The following CHMP4B variants were observed in gnomAD, a reference collection of about 807,000 sequenced individuals.
The protein encoded by CHMP4B is SNF7 homolog associated with Alix 1.
In CHMP4B, 1 loss-of-function variant was observed where a neutral mutation model predicts 25.1. The observed-to-expected ratio is 0.04, with a 90% CI of 0.01 to 0.19. CHMP4B has a LOEUF of 0.19. CHMP4B is among the 10% of genes least tolerant of loss of function. The pLI is 1.00. For synonymous variants in CHMP4B, 101 were observed against 115.6 expected, an observed-to-expected ratio of 0.87 and a Z score of 0.81; for missense variants, 151 against 289.7, an observed-to-expected ratio of 0.52 and a Z score of 3.48.
intron 1 of CHMP4B, among the ~76,000 whole-genome samples, chr20:33,837,934 A>C (rs942579086): frequency 6.6e-6 from 1 of 152,210 alleles, no homozygotes; most frequent in Non-Finnish European, 1.5e-5. Context: ...GTTAGAGCTC[A>C]AGGAAGACCT....
intron 1 of CHMP4B, among the ~76,000 whole-genome samples, chr20:33,813,784 G>C (rs1208566828): frequency 1.3e-5 from 2 of 152,130 alleles, no homozygotes; most frequent in Non-Finnish European, 2.9e-5. Flanking sequence ...CCAGGCTGGA[G>C]TGCAGTGGTG....
chr20:33,835,884 C>G (rs1202363885), intron 1 of CHMP4B, among the ~76,000 whole-genome samples: 1 of 152,132 alleles, frequency 6.6e-6, no homozygotes, highest in African/African-American at 2.4e-5. Context: ...CTCTTTTTAA[C>G]AACCAGCTCT....
At chr20:33,812,602 A>G (rs945805526) in intron 1 of CHMP4B, among the ~76,000 whole-genome samples, 17 of 152,254 alleles carry the variant, frequency 1.1e-4, no homozygotes, top group Middle Eastern at 3.2e-3. Flanking sequence ...AAAGCAGTTT[A>G]GAAATGTTTG....
chr20:33,835,086 G>A (rs938383097), intron 1 of CHMP4B, among the ~76,000 whole-genome samples: 2 of 152,162 alleles, frequency 1.3e-5, no homozygotes, highest in East Asian at 1.9e-4. Context: ...GTGAGCCATC[G>A]CACCTGGCCT....
chr20:33,842,999 A>C (rs985851152), intron 1 of CHMP4B, among the ~76,000 whole-genome samples: 2 of 152,228 alleles, frequency 1.3e-5, no homozygotes, highest in African/African-American at 4.8e-5. Flanking sequence ...TTTGACTAGG[A>C]GAAAGGAACG....
At chr20:33,852,748 A>T (rs1282813128) in intron 4 of CHMP4B, among the ~76,000 whole-genome samples, 2 of 152,220 alleles carry the variant, frequency 1.3e-5, no homozygotes, top group Admixed American at 1.3e-4. Flanking sequence ...CTGCCCCTCT[A>T]GTATCCTGTG....
chr20:33,824,611 A>G (rs1436975818), intron 1 of CHMP4B, among the ~76,000 whole-genome samples: 1 of 152,204 alleles, frequency 6.6e-6, no homozygotes, highest in East Asian at 1.9e-4. Flanking sequence ...CCAGGTTTCT[A>G]TCTTTTCCCG....
intron 1 of CHMP4B, among the ~76,000 whole-genome samples, chr20:33,826,113 C>T (rs1309310279): frequency 6.6e-6 from 1 of 152,178 alleles, no homozygotes; most frequent in Non-Finnish European, 1.5e-5. Context: ...CAGTGCATAA[C>T]TCTCCGTAAA....
At chr20:33,851,625 C>A (rs1424779965) in intron 3 of CHMP4B, among the ~76,000 whole-genome samples, 15 of 152,118 alleles carry the variant, frequency 9.9e-5, no homozygotes. Context: ...TCTGCTGGAC[C>A]TTTGTGCTTT....
chr20:33,812,448 T>C lies in CHMP4B; in HGVS notation c.190+790T>C, dbSNP rs532338669. ...ATAGAGACTCCCGACTGCTCCCCAG[T>C]CCCCACTACTAGGATTCAGGGCCCC... is the stretch of plus-strand genomic sequence containing the variant. On this transcript the variant is annotated intron_variant, in intron 1 of 4. Transcript: ENST00000217402. Among the ~76,000 whole-genome samples the C allele has an allele frequency of 2.6e-5, 4 of 152,288 alleles. No homozygotes were observed. In the East Asian group the frequency reaches 7.7e-4, roughly 29 times the overall value.
At chr20:33,837,802 G>T (rs969594698) in intron 1 of CHMP4B, among the ~76,000 whole-genome samples, 1 of 152,222 alleles carries the variant, frequency 6.6e-6, no homozygotes, top group African/African-American at 2.4e-5. Context: ...AAGCAGTCAG[G>T]AAATGGAGCA....
intron 1 of CHMP4B, among the ~76,000 whole-genome samples, chr20:33,845,041 G>A (rs1288980923): frequency 6.6e-6 from 1 of 152,270 alleles, no homozygotes; most frequent in Non-Finnish European, 1.5e-5. Flanking sequence ...CTACAGGTGT[G>A]AGCCACCGCG....
Position 33,811,447 on chromosome 20 carries a change from G to T in CHMP4B, c.-22G>T. The T allele has an allele frequency of 6.7e-7, 1 of 1,491,578 alleles. No homozygotes were observed. The highest frequency in any genetic ancestry group is 8.9e-7 in the Non-Finnish European group (1 of 1,119,008). The allele number at this position is 1,491,578 out of a possible 1,614,324, so 92.4% of individuals were successfully genotyped here. On this transcript the variant is annotated 5_prime_UTR_variant, in exon 1 of 5. Transcript: ENST00000217402. ...AGCCGAGCCGGAGCGGGCGGCGAAG[G>T]CCGGCGCGGCGAGCAGCAACCATGT...
chr20:33,836,871 A>C (rs142854407), intron 1 of CHMP4B, among the ~76,000 whole-genome samples: 493 of 152,238 alleles, frequency 3.2e-3, no homozygotes, highest in African/African-American at 0.012. Context: ...CCAGTGTCTC[A>C]AAAACTGTTA....
chr20:33,851,437 G>T (rs901496439), intron 3 of CHMP4B, among the ~76,000 whole-genome samples: 2 of 152,034 alleles, frequency 1.3e-5, no homozygotes, highest in African/African-American at 4.8e-5. Flanking sequence ...GAAAGGTAGA[G>T]CAAAGAGGGG....
At position 33,848,528 on chromosome 20, in the gene CHMP4B, C is replaced by G. The variant is rs1291394289; in HGVS notation, c.252C>G (p.Gly84=). 6.2e-7 allele frequency: 1 copy of G among 1,614,114 alleles called. No individual in the cohort carries two copies. The highest frequency in any genetic ancestry group is 8.5e-7 in the Non-Finnish European group (1 of 1,180,054). ...AGAAGCAGCTGGCGCAGATCGACGG[C>G]ACATTATCAACCATCGAGTTCCAGC... The part of the protein sequence containing the change: ...RYEKQLAQID[G]TLSTIEFQRE... The change falls in exon 2 of 5, where the codon GGC becomes GGG. Residue 84 remains glycine (G), a synonymous_variant. Transcript: ENST00000217402.
At chr20:33,842,526 G>GC (rs1568610346) in intron 1 of CHMP4B, among the ~76,000 whole-genome samples, 1 of 152,206 alleles carries the variant, frequency 6.6e-6, no homozygotes, top group Admixed American at 6.5e-5. Context: ...GCAAAGTGGG[G>GC]CCCCCTCAGC....
chr20:33,821,821 T>TTTTC (rs758684999), intron 1 of CHMP4B, among the ~76,000 whole-genome samples: 14 of 152,150 alleles, frequency 9.2e-5, no homozygotes, highest in Middle Eastern at 3.4e-3. Flanking sequence ...TTTCTTTTCT[T>TTTTC]TTTCTTTCTT....
chr20:33,852,524 C>T (rs970927753), intron 4 of CHMP4B, among the ~76,000 whole-genome samples: 3 of 152,174 alleles, frequency 2.0e-5, no homozygotes, highest in Admixed American at 6.5e-5. Context: ...TCAGCACCAT[C>T]CCTGGCCTCT....
Sources: allele counts gnomAD v4.1 joint callset (sites outside exome capture counted in the v4.1 genomes callset), GRCh38; gene constraint gnomAD v4.1.1; transcripts MANE v1.5; gene names NCBI Gene and HGNC (gene_info 2026-07-23, HGNC 2026-07-21).